The following ADAMTS6 variants were observed in gnomAD, a reference collection of about 807,000 sequenced individuals.
The protein encoded by ADAMTS6 is A disintegrin and metalloproteinase with thrombospondin motifs 6.
Under a neutral mutation model 144.3 loss-of-function variants are expected in ADAMTS6, and 23 were observed. The ratio of observed to expected loss-of-function variants is 0.16; its 90% CI spans 0.11 to 0.23. ADAMTS6 has a LOEUF of 0.23. ADAMTS6 is among the 10% of genes least tolerant of loss of function. ADAMTS6 has a pLI of 1.00. For synonymous variants in ADAMTS6, 444 were observed against 457.5 expected (o/e 0.97, Z 0.38); for missense variants, 999 against 1,379.6 (o/e 0.72, Z 4.37).
intron 11 of ADAMTS6, among the ~76,000 whole-genome samples, chr5:65,288,754 CT>C (rs1415302033): frequency 1.3e-5 from 2 of 152,166 alleles, no homozygotes; most frequent in Non-Finnish European, 2.9e-5. Context: ...TCTACAGCAA[CT>C]GTATTTAGTG....
At chr5:65,437,757 A>T (rs1275950766) in intron 7 of ADAMTS6, among the ~76,000 whole-genome samples, 1 of 152,200 alleles carries the variant, frequency 6.6e-6, no homozygotes, top group Admixed American at 6.5e-5. Context: ...TACCTATAAT[A>T]CCTAGTATAG....
intron 7 of ADAMTS6, among the ~76,000 whole-genome samples, chr5:65,377,915 T>G (rs2640715): frequency 0.92 from 139,361 of 152,214 alleles, 63,990 homozygotes; most frequent in African/African-American, 0.98. Context: ...CTGGCTACTG[T>G]TTTTTGCTGG....
chr5:65,215,803 G>T (rs1400109353), intron 18 of ADAMTS6, among the ~76,000 whole-genome samples: 1 of 152,152 alleles, frequency 6.6e-6, no homozygotes, highest in African/African-American at 2.4e-5. Context: ...TGGGGAGCAG[G>T]CTTTCCTTTC....
chr5:65,454,752 C>T (rs1263194672), intron 4 of ADAMTS6, among the ~76,000 whole-genome samples: 3 of 152,120 alleles, frequency 2.0e-5, no homozygotes, highest in Admixed American at 6.5e-5. Context: ...CATCTGAAGA[C>T]AATCATCCAA....
chr5:65,286,001 T>C (rs1052384552), intron 11 of ADAMTS6, among the ~76,000 whole-genome samples: 1 of 152,210 alleles, frequency 6.6e-6, no homozygotes, highest in East Asian at 1.9e-4. Context: ...TATGTGCGCC[T>C]TGGAATATCT....
chr5:65,444,224 T>C (rs1304519282), intron 7 of ADAMTS6, among the ~76,000 whole-genome samples: 1 of 152,120 alleles, frequency 6.6e-6, no homozygotes, highest in African/African-American at 2.4e-5. Flanking sequence ...AAACCCCATC[T>C]CTACTAAAAA....
In ADAMTS6 at chr5:65,404,480, CT is replaced by C. The variant is rs577852698; in HGVS notation, c.1073+46994del. On this transcript the variant is annotated intron_variant, in intron 7 of 24. Transcript: ENST00000381055. ...TCCCTACAAAGGATATGAACTCATCCTTTTTTATGGCTGCATAATATTCCAT... is the reference window on the plus strand; with the variant it reads ...TCCCTACAAAGGATATGAACTCATCCTTTTTATGGCTGCATAATATTCCAT... Among the ~76,000 whole-genome samples, 384 of 152,180 alleles carry C rather than the reference CT, an allele frequency of 2.5e-3. 4 individuals are homozygous for C. Among genetic ancestry groups the C allele is most frequent in the African/African-American group, 8.9e-3 (371 of 41,532 alleles).
chr5:65,465,524 G>A (rs1203736638), intron 3 of ADAMTS6, among the ~76,000 whole-genome samples: 1 of 151,904 alleles, frequency 6.6e-6, no homozygotes, highest in East Asian at 1.9e-4. Flanking sequence ...AAATTTTTTT[G>A]CTTTTCCAGA....
At chr5:65,408,440 A>G (rs1331730344) in intron 7 of ADAMTS6, among the ~76,000 whole-genome samples, 3 of 152,222 alleles carry the variant, frequency 2.0e-5, no homozygotes, top group Admixed American at 1.3e-4. Flanking sequence ...ATTCAACAAG[A>G]AGAGCTAACT....
At chr5:65,413,201 A>G (rs1356850351) in intron 7 of ADAMTS6, among the ~76,000 whole-genome samples, 2 of 152,176 alleles carry the variant, frequency 1.3e-5, no homozygotes, top group Non-Finnish European at 2.9e-5. Context: ...ACCTTCTCAC[A>G]TGAAAATAGT....
In ADAMTS6 at chr5:65,310,464, G is replaced by A. The variant is rs752033831; in HGVS notation, c.1224-10333C>T. ...TCACTTGAGCCCAGGAGGTTGAGGC[G>A]AAGTTAGCTGTGTTCATGCCACTGC... On this transcript the variant is annotated intron_variant, in intron 9 of 24. Coordinates refer to ENST00000381055, the MANE Select transcript of ADAMTS6 (RefSeq NM_197941.4). 7.2e-5 allele frequency among the ~76,000 whole-genome samples: 11 copies of A among 152,228 alleles called. No individual in the cohort carries two copies. In the East Asian group the frequency reaches 1.2e-3, roughly 16 times the overall value.
At chr5:65,231,638 G>A (rs916425739) in intron 15 of ADAMTS6, among the ~76,000 whole-genome samples, 5 of 152,058 alleles carry the variant, frequency 3.3e-5, no homozygotes, top group Non-Finnish European at 5.9e-5. Flanking sequence ...CACAAAACAA[G>A]TCTTAACACA....
intron 22 of ADAMTS6, among the ~76,000 whole-genome samples, chr5:65,180,208 T>A (rs1332112470): frequency 6.6e-6 from 1 of 152,080 alleles, no homozygotes; most frequent in African/African-American, 2.4e-5. Flanking sequence ...TATTAACAAA[T>A]TTTTCAGATG....
intron 7 of ADAMTS6, among the ~76,000 whole-genome samples, chr5:65,341,187 A>G (rs997505551): frequency 8.6e-5 from 13 of 152,008 alleles, no homozygotes; most frequent in African/African-American, 3.1e-4. Context: ...ACATACCAAA[A>G]CCTATAGGAC....
intron 10 of ADAMTS6, among the ~76,000 whole-genome samples, chr5:65,293,368 C>A (rs1214778858): frequency 6.6e-6 from 1 of 151,938 alleles, no homozygotes; most frequent in Non-Finnish European, 1.5e-5. Context: ...ATCCAATAGG[C>A]AAAAAATATT....
intron 21 of ADAMTS6, among the ~76,000 whole-genome samples, chr5:65,191,050 A>C (rs1754989200): frequency 6.6e-6 from 1 of 152,078 alleles, no homozygotes; most frequent in Non-Finnish European, 1.5e-5. Context: ...GGTGGCAAAA[A>C]CATGAATACA....
At chr5:65,287,658 G>A (rs1741810223) in intron 11 of ADAMTS6, among the ~76,000 whole-genome samples, 1 of 152,114 alleles carries the variant, frequency 6.6e-6, no homozygotes, top group East Asian at 1.9e-4. Context: ...AGCCTCCCGA[G>A]TAGCTGGGAT....
At chr5:65,457,745 CTTTTTTTTTTT>C (rs1180960588) in intron 4 of ADAMTS6, among the ~76,000 whole-genome samples, 5 of 97,438 alleles carry the variant, frequency 5.1e-5, no homozygotes, top group Admixed American at 1.0e-4. Flanking sequence ...TTCTTTCTTT[CTTTTTTTTTTT>C]TTTTTTTTTG....
rs1300346013 is a variant in ADAMTS6 at position 65,150,647 on chromosome 5, T to C, written c.*1189A>G. 1.3e-5 allele frequency: 2 copies of C among 152,668 alleles called. No individual in the cohort carries two copies. The highest frequency in any genetic ancestry group is 2.9e-5 in the Non-Finnish European group (2 of 68,032). 9.5% of individuals were successfully genotyped at this position (152,668 alleles called of 1,614,324 possible). A position where few individuals can be genotyped will look rare whatever the true frequency, so the allele number is the denominator to read the frequency against. ...TTGCCTACTTTAAAACTCACAGAAA[T>C]AGCACATTATGTGCAAGCACACTCA... On this transcript the variant is annotated 3_prime_UTR_variant, in exon 25 of 25. Coordinates refer to ENST00000381055, the MANE Select transcript of ADAMTS6 (RefSeq NM_197941.4).
Sources: gnomAD v4.1 joint callset for allele counts (sites outside exome capture counted in the v4.1 genomes callset) on GRCh38, gnomAD v4.1.1 for gene constraint, MANE v1.5 for transcripts, NCBI Gene and HGNC (gene_info 2026-07-23, HGNC 2026-07-21) for gene names.